NSD2: variants seen among roughly 807,000 people sequenced by gnomAD.
The protein encoded by NSD2 is histone-lysine N-methyltransferase NSD2.
A neutral mutation model predicts 139.0 loss-of-function variants in NSD2; 12 were observed. The observed-to-expected ratio is 0.09, with a 90% CI of 0.06 to 0.14. The LOEUF (loss-of-function observed/expected upper bound fraction) is 0.14. NSD2 is among the 10% of genes least tolerant of loss of function. The pLI, the probability that NSD2 is intolerant of heterozygous loss-of-function variation, is 1.00. For synonymous variants in NSD2, 669 were observed against 648.7 expected (o/e 1.03, Z -0.48); for missense variants, 1,155 against 1,745.0 (o/e 0.66, Z 6.02).
chr4:1,960,259 T>C (rs971280710), intron 17 of NSD2, among the ~76,000 whole-genome samples: 1 of 152,270 alleles, frequency 6.6e-6, no homozygotes, highest in South Asian at 2.1e-4. Context: ...ACATGCCTTA[T>C]GTCAGAATTC....
chr4:1,931,756 C>G (rs1009000751), intron 6 of NSD2, among the ~76,000 whole-genome samples: 9 of 152,160 alleles, frequency 5.9e-5, no homozygotes, highest in Admixed American at 5.2e-4. Context: ...TCAACTTCCT[C>G]AGTGTTCATT....
intron 8 of NSD2, chr4:1,939,447 C>T: frequency 1.7e-6 from 1 of 597,402 alleles, no homozygotes; most frequent in Non-Finnish European, 2.9e-6. Context: ...TTTTGGGGGC[C>T]AAGTAGCGAG....
chr4:1,906,481 C>T (rs540714826), intron 3 of NSD2, among the ~76,000 whole-genome samples: 1 of 151,908 alleles, frequency 6.6e-6, no homozygotes, highest in East Asian at 1.9e-4. Flanking sequence ...CCCCAGTGAT[C>T]CGCTTGCCTC....
chr4:1,878,930 G>T (rs1714502517), intron 1 of NSD2, among the ~76,000 whole-genome samples: 2 of 152,120 alleles, frequency 1.3e-5, no homozygotes, highest in Non-Finnish European at 2.9e-5. Context: ...GAGGGTCCTT[G>T]GTCCAATCCT....
intron 9 of NSD2, 62 bp from the exon 10 acceptor site, chr4:1,951,010 G>T: frequency 6.3e-7 from 1 of 1,596,206 alleles, no homozygotes; most frequent in Non-Finnish European, 8.5e-7. Flanking sequence ...CCTGCCTGCA[G>T]GGCATGGCCA....
Position 1,978,634 on chromosome 4 carries a change from G to T in NSD2, c.3827-4G>T. 1.2e-6 allele frequency: 2 copies of T among 1,600,108 alleles called. No homozygotes were observed. Among genetic ancestry groups the T allele is most frequent in the Non-Finnish European group, 1.7e-6 (2 of 1,169,450 alleles). ...GTGTGCTCACATCTTGTGTTCTGTT[G>T]CAGGGAAGTGGGAATGTCCTTGGCA... On this transcript the variant is annotated splice_region_variant and splice_polypyrimidine_tract_variant and intron_variant, in intron 21 of 21. Transcript: ENST00000508803.
intron 18 of NSD2, among the ~76,000 whole-genome samples, chr4:1,963,051 A>G (rs946224031): frequency 1.2e-4 from 18 of 152,172 alleles, no homozygotes; most frequent in African/African-American, 3.9e-4. Context: ...GTGCAAAATG[A>G]ACAGAAAACC....
chr4:1,898,390 T>G lies in NSD2; in HGVS notation c.-29-2236T>G, dbSNP rs543674605. On this transcript the variant is annotated intron_variant, in intron 1 of 21. Coordinates refer to ENST00000508803, the MANE Select transcript of NSD2 (RefSeq NM_001042424.3). ...CCTTAAAAATGGTTTCGTGGCCAGG[T>G]GCGGTGGCTCACGCCTGTAATCCCA... Among the ~76,000 whole-genome samples the G allele has an allele frequency of 3.6e-3, 551 of 152,248 alleles. 3 individuals carry two copies. Among genetic ancestry groups the G allele is most frequent in the Non-Finnish European group, 7.1e-3 (483 of 68,016 alleles).
chr4:1,914,634 G>A (rs913351050), intron 3 of NSD2, among the ~76,000 whole-genome samples: 10 of 152,046 alleles, frequency 6.6e-5, no homozygotes, highest in Non-Finnish European at 1.5e-4. Flanking sequence ...CCCAGAGTAT[G>A]CTACTTTTCT....
In NSD2 at chr4:1,915,379, G is replaced by T. The variant is rs185133256; in HGVS notation, c.761-1492G>T. Among the ~76,000 whole-genome samples, 910 of 152,218 alleles carry T rather than the reference G, an allele frequency of 6.0e-3. 9 individuals carry two copies. The highest frequency in any genetic ancestry group is 0.021 in the African/African-American group (871 of 41,552). On this transcript the variant is annotated intron_variant, in intron 3 of 21. Coordinates refer to ENST00000508803, the MANE Select transcript of NSD2 (RefSeq NM_001042424.3). ...TCCGCCTGCCTCGGCCTCCCAAAGT[G>T]CTGGGATTACAGGCTTGAGCCACTG...
chr4:1,919,274 A>G (rs1306663104), intron 5 of NSD2: 1 of 151,734 alleles, frequency 6.6e-6, no homozygotes, highest in Non-Finnish European at 1.5e-5. Context: ...CCAGGTTAGC[A>G]CTTTCTCCAG....
chr4:1,915,410 G>A (rs1451851154), intron 3 of NSD2, among the ~76,000 whole-genome samples: 1 of 152,024 alleles, frequency 6.6e-6, no homozygotes, highest in Non-Finnish European at 1.5e-5. Flanking sequence ...CACTGCACCC[G>A]GCCTGAATTT....
At chr4:1,915,180 G>T (rs1167273541) in intron 3 of NSD2, among the ~76,000 whole-genome samples, 1 of 139,506 alleles carries the variant, frequency 7.2e-6, no homozygotes, top group East Asian at 2.1e-4. Flanking sequence ...CAGTGGCGCA[G>T]TCTCGGCTCA....
rs375640116 is a variant in NSD2 at position 1,978,624 on chromosome 4, G to C, written c.3827-14G>C. The C allele has an allele frequency of 1.9e-6, 3 of 1,594,720 alleles. No individual in the cohort carries two copies. Among genetic ancestry groups the C allele is most frequent in the Non-Finnish European group, 2.6e-6 (3 of 1,166,008 alleles). On this transcript the variant is annotated splice_polypyrimidine_tract_variant and intron_variant, in intron 21 of 21. Transcript: ENST00000508803. ...CATCACTTCTGTGTGCTCACATCTT[G>C]TGTTCTGTTGCAGGGAAGTGGGAAT... is the stretch of plus-strand genomic sequence containing the variant.
Position 1,888,644 on chromosome 4 carries a change from G to A in NSD2, c.-29-11982G>A, listed in dbSNP as rs575272883. On this transcript the variant is annotated intron_variant, in intron 1 of 21. Transcript: ENST00000508803. ...TGCAGTGGCAATCTCGGCTTACTGC[G>A]GCCTCCACCTCCAGGGTTCAAGCGA... 7.3e-5 allele frequency among the ~76,000 whole-genome samples: 11 copies of A among 151,522 alleles called. No homozygotes were observed. In the South Asian group the frequency reaches 2.1e-3, roughly 29 times the overall value.
chr4:1,943,306 T>C, intron 9 of NSD2: 1 of 1,043,744 alleles, frequency 9.6e-7, no homozygotes, highest in Non-Finnish European at 1.2e-6. Context: ...AATGAACGTT[T>C]CTGACTAATA....
Position 1,946,625 on chromosome 4 carries a change from A to G in NSD2, c.1882-4447A>G, listed in dbSNP as rs984988858. 40 of 1,031,868 alleles carry G rather than the reference A, an allele frequency of 3.9e-5. No individual in the cohort carries two copies. In the African/African-American group the frequency reaches 5.9e-4, roughly 15 times the overall value. 63.9% of individuals were successfully genotyped at this position (1,031,868 alleles called of 1,614,324 possible). Reference sequence around the variant, plus strand: ...ATTCATATTTTAGGACTTTTTGTCAACGAAATTGGTTTTGATCCCTTTGGG... The same window carrying G: ...ATTCATATTTTAGGACTTTTTGTCAGCGAAATTGGTTTTGATCCCTTTGGG... On this transcript the variant is annotated intron_variant, in intron 9 of 21. Transcript: ENST00000508803.
rs1723219832 is a variant in NSD2, at chr4:1,942,679, G to C, written c.1881+2901G>C. 1.7e-6 allele frequency: 2 copies of C among 1,154,228 alleles called. No individual in the cohort carries two copies. Among genetic ancestry groups the C allele is most frequent in the Non-Finnish European group, 2.1e-6 (2 of 933,484 alleles). 71.5% of individuals were successfully genotyped at this position (1,154,228 alleles called of 1,614,324 possible). On this transcript the variant is annotated intron_variant, in intron 9 of 21. Coordinates refer to ENST00000508803, the MANE Select transcript of NSD2 (RefSeq NM_001042424.3). The surrounding 1 kb of genome is among the most constrained non-coding windows in gnomAD (Gnocchi z 4.0). ...AGTTGAAAGGCAGTCCCTTTAGTTG[G>C]GGGCTGTCCAGAGCTGCAGCAGGGC...
chr4:1,930,613 C>T lies in NSD2; in HGVS notation c.1411-13C>T. 1 of 1,592,330 alleles carries T rather than the reference C, an allele frequency of 6.3e-7. No homozygotes were observed. The highest frequency in any genetic ancestry group is 8.6e-7 in the Non-Finnish European group (1 of 1,168,604). ...GATTTAACTTCTCATTGCACCTTCT[C>T]CCGTTCCCACAGGTGGTAGCTGAGC... On this transcript the variant is annotated splice_polypyrimidine_tract_variant and intron_variant, in intron 5 of 21. Transcript: ENST00000508803.
Sources: allele counts gnomAD v4.1 joint callset (sites outside exome capture counted in the v4.1 genomes callset), GRCh38; gene constraint gnomAD v4.1.1; non-coding constraint Gnocchi (gnomAD v3.1); transcripts MANE v1.5; gene names NCBI Gene and HGNC (gene_info 2026-07-23, HGNC 2026-07-21).